ACSL1: variants seen among roughly 807,000 people sequenced by gnomAD.
The protein encoded by ACSL1 is acyl-CoA synthetase long chain family member 1.
In ACSL1, 41 loss-of-function variants were observed where a neutral mutation model predicts 98.4. The ratio of observed to expected loss-of-function variants is 0.42; its 90% CI spans 0.32 to 0.54. The LOEUF is 0.54. Ranked by LOEUF, ACSL1 falls within the 20% of genes least tolerant of loss-of-function variation. The pLI, the probability that ACSL1 is intolerant of heterozygous loss-of-function variation, is 0.13. For missense variants in ACSL1, 734 were observed against 883.1 expected (o/e 0.83, Z 2.14); for synonymous variants, 316 against 322.7 (o/e 0.98, Z 0.22).
intron 1 of ACSL1, among the ~76,000 whole-genome samples, chr4:184,812,805 A>G (rs185412457): frequency 2.0e-5 from 3 of 152,304 alleles, no homozygotes; most frequent in Admixed American, 1.3e-4. Context: ...GAAAGGCTTG[A>G]GCCCAGAGCC....
intron 2 of ACSL1, among the ~76,000 whole-genome samples, chr4:184,797,217 G>A (rs909503895): frequency 2.0e-5 from 3 of 152,186 alleles, no homozygotes; most frequent in Admixed American, 6.5e-5. Flanking sequence ...CGCCCTTAGC[G>A]TTTCCACTGG....
At chr4:184,812,505 G>A (rs2150481812) in intron 1 of ACSL1, among the ~76,000 whole-genome samples, 1 of 152,220 alleles carries the variant, frequency 6.6e-6, no homozygotes, top group Non-Finnish European at 1.5e-5. Context: ...AACATCTCCT[G>A]GCTGACTGGG....
intron 5 of ACSL1, among the ~76,000 whole-genome samples, chr4:184,778,162 G>A (rs1765608062): frequency 6.6e-6 from 1 of 152,182 alleles, no homozygotes; most frequent in Non-Finnish European, 1.5e-5. Context: ...CTGGACAAAG[G>A]TGAAAGATCA....
At chr4:184,801,990 G>A (rs966329663) in intron 2 of ACSL1, among the ~76,000 whole-genome samples, 19 of 152,186 alleles carry the variant, frequency 1.2e-4, no homozygotes, top group African/African-American at 3.6e-4. Flanking sequence ...CAGCGCTGCC[G>A]TGACACATCA....
intron 15 of ACSL1, among the ~76,000 whole-genome samples, chr4:184,764,128 C>T (rs909389103): frequency 6.6e-6 from 1 of 152,214 alleles, no homozygotes; most frequent in Non-Finnish European, 1.5e-5. Context: ...ATTTACTACT[C>T]AGGTGACACA....
At position 184,773,541 on chromosome 4, in the gene ACSL1, C is replaced by T; in HGVS notation, c.841+122G>A. On this transcript the variant is annotated intron_variant, in intron 9 of 20. Coordinates refer to ENST00000281455, the MANE Select transcript of ACSL1 (RefSeq NM_001995.5). This position sits in a 1 kb window ranked among gnomAD's most constrained non-coding sequence, Gnocchi z 4.3. ...GAGCAACAAGAAGACAGCACTTGAA[C>T]CGCTTCCTTCTCTTCTGCTTTTGGT... 1.1e-6 allele frequency: 1 copy of T among 909,496 alleles called. No individual in the cohort carries two copies. The highest frequency in any genetic ancestry group is 1.7e-6 in the Non-Finnish European group (1 of 598,298). The allele number at this position is 909,496 out of a possible 1,614,324, so 56.3% of individuals were successfully genotyped here. A position where few individuals can be genotyped will look rare whatever the true frequency, so the allele number is the denominator to read the frequency against.
intron 2 of ACSL1, among the ~76,000 whole-genome samples, chr4:184,795,371 T>C (rs1769173749): frequency 1.3e-5 from 2 of 152,244 alleles, no homozygotes; most frequent in African/African-American, 4.8e-5. Context: ...ACACGTTCTC[T>C]GTTTAATGAA....
Position 184,802,369 on chromosome 4 carries a change from G to C in ACSL1, c.195+951C>G, listed in dbSNP as rs530418290. Among the ~76,000 whole-genome samples, 3 of 152,318 alleles carry C rather than the reference G, an allele frequency of 2.0e-5. No homozygotes were observed. In the East Asian group the frequency reaches 5.8e-4, roughly 29 times the overall value. Reference sequence around the variant, plus strand: ...CCCTCTGCGGCAGTCAGCCCGGGGGGGTGGGGGAGGCCTTCCATCTCTTAC... The same window carrying C: ...CCCTCTGCGGCAGTCAGCCCGGGGGCGTGGGGGAGGCCTTCCATCTCTTAC... On this transcript the variant is annotated intron_variant, in intron 2 of 20. Transcript: ENST00000281455.
At chr4:184,792,124 A>G (rs1283313735) in intron 2 of ACSL1, among the ~76,000 whole-genome samples, 1 of 152,218 alleles carries the variant, frequency 6.6e-6, no homozygotes, top group African/African-American at 2.4e-5. Context: ...TCAAAGTTAA[A>G]GAAGTGAATG....
At position 184,773,277 on chromosome 4, in the gene ACSL1, T is replaced by C. The variant is rs1433944843; in HGVS notation, c.842-123A>G. ...TTAGATATATCGTGAAAACCAAATG[T>C]TGAACACTAAATTCCTAAGCAACCT... On this transcript the variant is annotated intron_variant, in intron 9 of 20. Transcript: ENST00000281455. The surrounding 1 kb of genome is among the most constrained non-coding windows in gnomAD (Gnocchi z 4.3). 2.4e-6 allele frequency: 2 copies of C among 834,726 alleles called. No homozygotes were observed. Among genetic ancestry groups the C allele is most frequent in the Non-Finnish European group, 3.8e-6 (2 of 530,416 alleles). The allele number at this position is 834,726 out of a possible 1,614,324, so 51.7% of individuals were successfully genotyped here. A position where few individuals can be genotyped will look rare whatever the true frequency, so the allele number is the denominator to read the frequency against.
chr4:184,762,734 C>T (rs184923122), intron 16 of ACSL1, among the ~76,000 whole-genome samples: 4 of 152,300 alleles, frequency 2.6e-5, no homozygotes, highest in African/African-American at 4.8e-5. Flanking sequence ...CAGCTCTGGC[C>T]GATTTGTAGG....
chr4:184,822,439 T>G (rs1773131469), intron 1 of ACSL1, among the ~76,000 whole-genome samples: 1 of 152,118 alleles, frequency 6.6e-6, no homozygotes, highest in African/African-American at 2.4e-5. Flanking sequence ...TCTAACACAG[T>G]CAAGAACATG....
intron 7 of ACSL1, among the ~76,000 whole-genome samples, chr4:184,774,445 C>A (rs1041520692): frequency 6.6e-6 from 1 of 152,006 alleles, no homozygotes; most frequent in African/African-American, 2.4e-5. Context: ...ATTTGGGAGC[C>A]CCCAATTATA....
At chr4:184,805,529 T>A (rs1395103333) in intron 1 of ACSL1, 1 of 985,452 alleles carries the variant, frequency 1.0e-6, no homozygotes, top group Non-Finnish European at 1.2e-6. Context: ...CCACTCACCA[T>A]CTGTGCCACC....
intron 2 of ACSL1, among the ~76,000 whole-genome samples, chr4:184,802,421 T>C (rs1342636407): frequency 6.6e-6 from 1 of 152,168 alleles, no homozygotes; most frequent in African/African-American, 2.4e-5. Flanking sequence ...TGGGGGGATC[T>C]TGTGTTTCAC....
In ACSL1 at chr4:184,766,624, G is replaced by A; in HGVS notation, c.1261C>T (p.Gln421Ter). 1 of 1,613,998 alleles carries A rather than the reference G, an allele frequency of 6.2e-7. No individual in the cohort carries two copies. Among genetic ancestry groups the A allele is most frequent in the Non-Finnish European group, 8.5e-7 (1 of 1,179,938 alleles). The change falls in exon 13 of 21, where the codon CAG becomes TAG. Residue 421 changes from glutamine to a stop codon, truncating the protein, a stop_gained and splice_region_variant. Transcript: ENST00000281455. LOFTEE classifies it high-confidence loss of function. This position sits in a 1 kb window ranked among gnomAD's most constrained non-coding sequence, Gnocchi z 4.8. ...LWDRLIFHKV[Q>*]SSLGGRVRLM... ...AGTGGCTGTGAGTCACGTGTTACCT[G>A]TACTTTGTGGAAGATCAGCCGGTCC...
intron 1 of ACSL1, among the ~76,000 whole-genome samples, chr4:184,818,348 A>G (rs1350522250): frequency 3.9e-5 from 6 of 152,206 alleles, no homozygotes; most frequent in Non-Finnish European, 8.8e-5. Context: ...TGCAAAGACC[A>G]CAGCCACCTG....
At position 184,766,813 on chromosome 4, in the gene ACSL1, G is replaced by C. The variant is rs939594780; in HGVS notation, c.1129-57C>G. 2.6e-6 allele frequency: 4 copies of C among 1,553,382 alleles called. No homozygotes were observed. The highest frequency in any genetic ancestry group is 3.5e-6 in the Non-Finnish European group (4 of 1,139,040). Reference sequence around the variant, plus strand: ...ACCTACTAGGATGGCCAGAGTCAAAGAGTGTGGAGAAATCAGAACCCTCAC... The same window carrying C: ...ACCTACTAGGATGGCCAGAGTCAAACAGTGTGGAGAAATCAGAACCCTCAC... On this transcript the variant is annotated intron_variant, in intron 12 of 20. Transcript: ENST00000281455. This position sits in a 1 kb window ranked among gnomAD's most constrained non-coding sequence, Gnocchi z 4.8.
At chr4:184,812,534 G>A (rs964397125) in intron 1 of ACSL1, among the ~76,000 whole-genome samples, 14 of 152,094 alleles carry the variant, frequency 9.2e-5, no homozygotes, top group Admixed American at 2.0e-4. Context: ...AAAAGGGTGC[G>A]AGCCACTGAT....
Sources: allele counts gnomAD v4.1 joint callset (sites outside exome capture counted in the v4.1 genomes callset), GRCh38; gene constraint gnomAD v4.1.1; non-coding constraint Gnocchi (gnomAD v3.1); transcripts MANE v1.5; gene names NCBI Gene and HGNC (gene_info 2026-07-23, HGNC 2026-07-21).